PPP2R2B: variants seen among roughly 807,000 people sequenced by gnomAD.
The protein encoded by PPP2R2B is protein phosphatase 2 regulatory subunit Bbeta, also known as serine/threonine-protein phosphatase 2A 55 kDa regulatory subunit B beta isoform.
Under a neutral mutation model 46.0 loss-of-function variants are expected in PPP2R2B, and 5 were observed. That is an observed-to-expected ratio of 0.11 (90% CI 0.06 to 0.23). PPP2R2B has a LOEUF of 0.23. PPP2R2B is among the 10% of genes least tolerant of loss of function. PPP2R2B has a pLI of 1.00. For missense variants in PPP2R2B, 367 were observed against 575.0 expected (o/e 0.64, Z 3.70); for synonymous variants, 215 against 206.7 (o/e 1.04, Z -0.34).
intron 9 of PPP2R2B, among the ~76,000 whole-genome samples, chr5:146,592,753 C>T (rs979377044): frequency 1.3e-5 from 2 of 152,218 alleles, no homozygotes; most frequent in African/African-American, 4.8e-5. Context: ...AAGGTGTTAT[C>T]TGTGCCAGTT....
chr5:147,002,241 A>G (rs985982935), intron 1 of PPP2R2B, among the ~76,000 whole-genome samples: 1 of 152,164 alleles, frequency 6.6e-6, no homozygotes, highest in Non-Finnish European at 1.5e-5. Context: ...ATTTTTGCCC[A>G]AAGCCCTGTT....
chr5:146,621,003 G>A (rs1773639098), intron 7 of PPP2R2B, among the ~76,000 whole-genome samples: 2 of 152,242 alleles, frequency 1.3e-5, no homozygotes, highest in Non-Finnish European at 2.9e-5. Context: ...GGCACAGAAA[G>A]GGAGAGAGGA....
rs895795367 is a variant in PPP2R2B, at chr5:146,844,423, C to T, written c.70+33579G>A. ...AAATGCCAGACAAATAAAAGGCTGTCTTCTCTCCTAGCTTCCTTGGATTCT... is the reference window on the plus strand; with the variant it reads ...AAATGCCAGACAAATAAAAGGCTGTTTTCTCTCCTAGCTTCCTTGGATTCT... On this transcript the variant is annotated intron_variant, in intron 2 of 9. Coordinates refer to ENST00000394411, the MANE Select transcript of PPP2R2B (RefSeq NM_181675.4). 5.3e-5 allele frequency among the ~76,000 whole-genome samples: 8 copies of T among 151,888 alleles called. 1 individual carries two copies. Among genetic ancestry groups the T allele is most frequent in the African/African-American group, 1.9e-4 (8 of 41,418 alleles).
intron 1 of PPP2R2B, among the ~76,000 whole-genome samples, chr5:146,965,077 T>G (rs1283862877): frequency 6.6e-6 from 1 of 152,150 alleles, no homozygotes; most frequent in African/African-American, 2.4e-5. Context: ...GTGTTTATAT[T>G]TTCTTAATCT....
chr5:146,830,978 T>C (rs977077448), intron 2 of PPP2R2B, among the ~76,000 whole-genome samples: 4 of 152,184 alleles, frequency 2.6e-5, no homozygotes, highest in Non-Finnish European at 5.9e-5. Context: ...GCCATCATAA[T>C]GCCAGAGTGC....
chr5:146,856,654 G>C, intron 2 of PPP2R2B: 1 of 1,104,974 alleles, frequency 9.0e-7, no homozygotes, highest in Non-Finnish European at 1.4e-6. Flanking sequence ...TAACATACAG[G>C]TGCATTTACA....
chr5:146,722,531 C>A (rs1780872122), intron 2 of PPP2R2B, among the ~76,000 whole-genome samples: 1 of 152,160 alleles, frequency 6.6e-6, no homozygotes, highest in African/African-American at 2.4e-5. Flanking sequence ...CAGCCCAGCC[C>A]AGTCCAGAAA....
intron 2 of PPP2R2B, among the ~76,000 whole-genome samples, chr5:147,071,735 C>A (rs1757605966): frequency 6.6e-6 from 1 of 152,140 alleles, no homozygotes; most frequent in African/African-American, 2.4e-5. Context: ...CCCTGAACCC[C>A]ATATTGGTTT....
intron 2 of PPP2R2B, among the ~76,000 whole-genome samples, chr5:146,701,568 C>G (rs1295781703): frequency 6.6e-6 from 1 of 152,078 alleles, no homozygotes; most frequent in Non-Finnish European, 1.5e-5. Flanking sequence ...TGTGATGAAG[C>G]AGGGTTAGGA....
At chr5:147,032,803 G>A (rs1755852784) in intron 1 of PPP2R2B, among the ~76,000 whole-genome samples, 1 of 152,180 alleles carries the variant, frequency 6.6e-6, no homozygotes, top group African/African-American at 2.4e-5. Context: ...ATTGTAAATT[G>A]TGCTGCTATA....
chr5:146,728,611 T>C (rs1752029759), intron 2 of PPP2R2B, among the ~76,000 whole-genome samples: 1 of 152,160 alleles, frequency 6.6e-6, no homozygotes, highest in Non-Finnish European at 1.5e-5. Flanking sequence ...AAATCTCAAC[T>C]TGAATTGTAT....
chr5:147,055,385 A>T (rs1366318835), intron 1 of PPP2R2B, among the ~76,000 whole-genome samples: 3 of 152,256 alleles, frequency 2.0e-5, no homozygotes, highest in Non-Finnish European at 4.4e-5. Context: ...TAAATGAAAC[A>T]AGGAAAATTG....
chr5:146,876,557 TAA>T (rs1761909961), intron 2 of PPP2R2B, among the ~76,000 whole-genome samples: 1 of 152,156 alleles, frequency 6.6e-6, no homozygotes, highest in Non-Finnish European at 1.5e-5. Flanking sequence ...GACAAAGCAC[TAA>T]GATTGAGGGA....
intron 1 of PPP2R2B, among the ~76,000 whole-genome samples, chr5:146,968,127 C>T (rs1168508003): frequency 1.3e-5 from 2 of 152,136 alleles, no homozygotes; most frequent in African/African-American, 4.8e-5. Context: ...TGTTCTGGAT[C>T]ACTGACCTGG....
chr5:147,002,147 C>A (rs970877791), intron 1 of PPP2R2B, among the ~76,000 whole-genome samples: 1 of 152,142 alleles, frequency 6.6e-6, no homozygotes, highest in African/African-American at 2.4e-5. Context: ...TTTCTATTTT[C>A]TCCTGTAAGA....
chr5:146,898,189 A>C (rs566755774), intron 1 of PPP2R2B, among the ~76,000 whole-genome samples: 3 of 152,214 alleles, frequency 2.0e-5, no homozygotes, highest in East Asian at 1.9e-4. Context: ...CCATCTCAAA[A>C]AAACAAACAA....
intron 2 of PPP2R2B, among the ~76,000 whole-genome samples, chr5:146,850,584 T>C (rs1190144937): frequency 2.0e-5 from 3 of 152,098 alleles, no homozygotes; most frequent in African/African-American, 7.2e-5. Context: ...CCTGCCTGGG[T>C]CATCTTCCCA....
intron 1 of PPP2R2B, among the ~76,000 whole-genome samples, chr5:146,943,171 A>G (rs1484978456): frequency 1.3e-5 from 2 of 152,124 alleles, no homozygotes; most frequent in Non-Finnish European, 2.9e-5. Context: ...ACATGTTTTT[A>G]GTACAGGGTA....
intron 5 of PPP2R2B, among the ~76,000 whole-genome samples, chr5:146,667,030 G>C (rs964659807): frequency 1.3e-5 from 2 of 152,148 alleles, no homozygotes; most frequent in Non-Finnish European, 2.9e-5. Context: ...GAATGTGGGA[G>C]ATGGTGGTAG....
Sources: allele counts gnomAD v4.1 joint callset (sites outside exome capture counted in the v4.1 genomes callset), GRCh38; gene constraint gnomAD v4.1.1; transcripts MANE v1.5; gene names NCBI Gene and HGNC (gene_info 2026-07-23, HGNC 2026-07-21).